RIMS1: variants seen among roughly 807,000 people sequenced by gnomAD.
RIMS1 encodes the protein regulating synaptic membrane exocytosis protein 1.
In RIMS1, 83 loss-of-function variants were observed where a neutral mutation model predicts 214.1. The ratio of observed to expected loss-of-function variants is 0.39; its 90% confidence interval spans 0.32 to 0.47. The LOEUF (loss-of-function observed/expected upper bound fraction) is 0.47. Ranked by LOEUF, RIMS1 falls within the 20% of genes least tolerant of loss-of-function variation. The pLI, the probability that RIMS1 is intolerant of heterozygous loss-of-function variation, is 0.99. For missense variants in RIMS1, 2,050 were observed against 2,161.8 expected (o/e 0.95, Z 1.03); for synonymous variants, 793 against 786.8 (o/e 1.01, Z -0.13).
intron 4 of RIMS1, among the ~76,000 whole-genome samples, chr6:72,109,326 A>G (rs2035505367): frequency 6.6e-6 from 1 of 150,902 alleles, no homozygotes; most frequent in South Asian, 2.1e-4. Flanking sequence ...AACGGTGTAA[A>G]AGTGTTCCTA....
At chr6:72,185,407 A>C (rs2048956288) in intron 6 of RIMS1, among the ~76,000 whole-genome samples, 1 of 152,192 alleles carries the variant, frequency 6.6e-6, no homozygotes, top group African/African-American at 2.4e-5. Context: ...GAAATCATGA[A>C]AGAGATTGTG....
At chr6:72,358,856 G>A (rs772797206) in intron 29 of RIMS1, among the ~76,000 whole-genome samples, 54 of 152,144 alleles carry the variant, frequency 3.5e-4, no homozygotes, top group Non-Finnish European at 7.1e-4. Context: ...TAACTACCTA[G>A]GTGCTACCTA....
chr6:72,291,688 A>G (rs907112581), intron 25 of RIMS1, among the ~76,000 whole-genome samples: 20 of 152,202 alleles, frequency 1.3e-4, no homozygotes, highest in African/African-American at 4.8e-4. Flanking sequence ...AAAAGAAGTG[A>G]ATTGGATTCT....
intron 2 of RIMS1, among the ~76,000 whole-genome samples, chr6:72,009,415 C>G (rs1274060620): frequency 1.3e-5 from 2 of 152,066 alleles, no homozygotes; most frequent in Non-Finnish European, 2.9e-5. Context: ...ATTAAAAGAG[C>G]TAGAGAAGCA....
chr6:72,394,728 T>A (rs184351821), intron 31 of RIMS1, among the ~76,000 whole-genome samples: 121 of 138,544 alleles, frequency 8.7e-4, no homozygotes, highest in Admixed American at 4.4e-3. Context: ...TTAAGAAACA[T>A]TAAAAGGACA....
intron 11 of RIMS1, 28 bp downstream of exon 11, chr6:72,245,889 AAAAGTATTGAACTAATTG>A (rs763747591): frequency 6.8e-7 from 1 of 1,471,204 alleles, no homozygotes; most frequent in East Asian, 2.3e-5. Flanking sequence ...TTGTTATTAT[AAAAGTATTGAACTAATTG>A]AAAGTAAAGA....
At chr6:72,292,559 A>G (rs2093557334) in intron 26 of RIMS1, among the ~76,000 whole-genome samples, 1 of 152,066 alleles carries the variant, frequency 6.6e-6, no homozygotes. Flanking sequence ...AGATTTCCTT[A>G]TTTTATGCAT....
chr6:72,100,893 A>G (rs2033394729), intron 4 of RIMS1, among the ~76,000 whole-genome samples: 1 of 151,998 alleles, frequency 6.6e-6, no homozygotes. Flanking sequence ...TTACGCTAGG[A>G]TATGCTTATT....
chr6:72,370,715 A>G (rs901630856), intron 29 of RIMS1, among the ~76,000 whole-genome samples: 10 of 152,222 alleles, frequency 6.6e-5, no homozygotes, highest in African/African-American at 1.9e-4. Context: ...ATGTATGGAT[A>G]GCATTTAGAA....
Position 72,032,831 on chromosome 6 carries a change from C to T in RIMS1, c.245+63768C>T, listed in dbSNP as rs192005426. ...CCTTATGAGTGGCATAACTCCTATTCTCAAATAGCATTTGCCTTGTAGGGG... is the reference window on the plus strand; with the variant it reads ...CCTTATGAGTGGCATAACTCCTATTTTCAAATAGCATTTGCCTTGTAGGGG... On this transcript the variant is annotated intron_variant, in intron 2 of 33. Coordinates refer to ENST00000521978, the MANE Select transcript of RIMS1 (RefSeq NM_014989.7). Among the ~76,000 whole-genome samples the T allele has an allele frequency of 3.9e-5, 6 of 152,228 alleles. No individual in the cohort carries two copies. The East Asian group carries it at 9.6e-4, about 24-fold the overall frequency.
chr6:72,231,223 A>C (rs1027916326), intron 6 of RIMS1, among the ~76,000 whole-genome samples: 1 of 151,702 alleles, frequency 6.6e-6, no homozygotes, highest in Non-Finnish European at 1.5e-5. Context: ...AATATCTTTC[A>C]AACAGTAATT....
At chr6:71,939,424 C>T (rs1583071719) in intron 1 of RIMS1, among the ~76,000 whole-genome samples, 2 of 152,216 alleles carry the variant, frequency 1.3e-5, no homozygotes, top group South Asian at 2.1e-4. Context: ...GCTGCTTCCA[C>T]ATTTTCAGAT....
intron 1 of RIMS1, among the ~76,000 whole-genome samples, chr6:71,949,304 G>A (rs1167081824): frequency 6.6e-6 from 1 of 152,086 alleles, no homozygotes; most frequent in East Asian, 1.9e-4. Context: ...TAACAAGAAA[G>A]GTCCTCTAAA....
chr6:72,257,447 G>A (rs2076354132), intron 16 of RIMS1, among the ~76,000 whole-genome samples: 2 of 152,024 alleles, frequency 1.3e-5, no homozygotes, highest in African/African-American at 4.8e-5. Flanking sequence ...TTATGGAGTA[G>A]TTTCAGATGT....
intron 6 of RIMS1, among the ~76,000 whole-genome samples, chr6:72,219,751 C>A (rs2154031690): frequency 6.6e-6 from 1 of 151,840 alleles, no homozygotes; most frequent in Non-Finnish European, 1.5e-5. Context: ...AATGCTTAGC[C>A]CTTGAAACTT....
At chr6:71,891,285 G>T (rs1218835431) in intron 1 of RIMS1, among the ~76,000 whole-genome samples, 3 of 152,208 alleles carry the variant, frequency 2.0e-5, no homozygotes, top group Non-Finnish European at 4.4e-5. Context: ...AATTGAGATT[G>T]TATGAAGTTT....
intron 6 of RIMS1, among the ~76,000 whole-genome samples, chr6:72,195,293 T>C (rs969291221): frequency 9.2e-5 from 14 of 152,208 alleles, no homozygotes; most frequent in African/African-American, 3.4e-4. Flanking sequence ...TACAGTGCTT[T>C]GTGAATGGCT....
chr6:72,213,003 A>G, intron 6 of RIMS1: 1 of 1,481,530 alleles, frequency 6.7e-7, no homozygotes, highest in South Asian at 1.4e-5. Context: ...TCAATGATAT[A>G]AGCAGAGTGA....
At position 72,237,925 on chromosome 6, in the gene RIMS1, A is replaced by G; in HGVS notation, c.1957+3A>G. The G allele has an allele frequency of 1.3e-6, 2 of 1,595,818 alleles. No homozygotes were observed. The highest frequency in any genetic ancestry group is 1.7e-6 in the Non-Finnish European group (2 of 1,171,168). ...TGTAGTTGGACACCTAAGAGCAGGT[A>G]AAGTTTCTTTTTTTAATATTTAAAC... On this transcript the variant is annotated splice_donor_region_variant and intron_variant, in intron 9 of 33. Transcript: ENST00000521978.
Sources: gnomAD v4.1 joint callset for allele counts (sites outside exome capture counted in the v4.1 genomes callset) on GRCh38, gnomAD v4.1.1 for gene constraint, MANE v1.5 for transcripts, NCBI Gene and HGNC (gene_info 2026-07-23, HGNC 2026-07-21) for gene names.